The following USP10 variants were observed in gnomAD, a reference collection of about 807,000 sequenced individuals.
USP10 encodes the protein ubiquitin specific peptidase 10.
A neutral mutation model predicts 84.5 loss-of-function variants in USP10; 22 were observed. The observed-to-expected ratio is 0.26, with a 90% CI of 0.19 to 0.37. The LOEUF (loss-of-function observed/expected upper bound fraction) is 0.37, where lower values mean the gene tolerates loss of function less well. Ranked by LOEUF, USP10 falls within the 10% of genes least tolerant of loss-of-function variation. The pLI, the probability that USP10 is intolerant of heterozygous loss-of-function variation, is 1.00. For missense variants in USP10, 1,019 were observed against 998.9 expected (o/e 1.02, Z -0.27); for synonymous variants, 454 against 387.6 (o/e 1.17, Z -2.01).
chr16:84,758,956 TA>T, intron 5 of USP10, 149 bp downstream of exon 5: 1 of 654,564 alleles, frequency 1.5e-6, no homozygotes, highest in African/African-American at 1.8e-5. Flanking sequence ...CTACCTTGCT[TA>T]TAAACAGGAT....
intron 2 of USP10, among the ~76,000 whole-genome samples, chr16:84,734,112 G>C (rs1035134473): frequency 1.3e-5 from 2 of 152,120 alleles, no homozygotes; most frequent in African/African-American, 4.8e-5. Context: ...GTGCCCCTCT[G>C]TGGGCTCCTC....
chr16:84,750,033 C>T (rs1911724900), intron 4 of USP10, among the ~76,000 whole-genome samples: 2 of 152,036 alleles, frequency 1.3e-5, no homozygotes, highest in South Asian at 2.1e-4. Context: ...CCTGTCTTGC[C>T]GAGGGTTGGA....
At chr16:84,745,716 GA>G in intron 4 of USP10, 43 bp downstream of exon 4, 1 of 1,550,646 alleles carries the variant, frequency 6.4e-7, no homozygotes, top group South Asian at 1.2e-5. Context: ...GATGGGAGCA[GA>G]CCTCATCAAC....
At chr16:84,726,043 G>A (rs1479650473) in intron 1 of USP10, among the ~76,000 whole-genome samples, 2 of 152,286 alleles carry the variant, frequency 1.3e-5, no homozygotes, top group East Asian at 3.9e-4. Context: ...CACCTGCCTC[G>A]GAAACTGCAG....
intron 11 of USP10, among the ~76,000 whole-genome samples, chr16:84,772,268 C>T (rs1449159508): frequency 6.6e-6 from 1 of 152,160 alleles, no homozygotes; most frequent in African/African-American, 2.4e-5. Context: ...CCAGGCTGGT[C>T]TCAAACTCTT....
rs567173766 is a variant in USP10 at position 84,760,546 on chromosome 16, T to A, written c.1554+271T>A. On this transcript the variant is annotated intron_variant, in intron 8 of 13. Transcript: ENST00000219473. The stretch of plus-strand genomic sequence containing the variant: ...AAGCCACTGTCTGAGGTCAGGTAGC[T>A]AATGTACATGGCAGAACCCAGCTTT... 8.5e-5 allele frequency among the ~76,000 whole-genome samples: 13 copies of A among 152,344 alleles called. No homozygotes were observed. The South Asian group carries it at 1.9e-3, about 22-fold the overall frequency.
At position 84,742,256 on chromosome 16, in the gene USP10, C is replaced by A. The variant is rs535020131; in HGVS notation, c.151+1887C>A. ...TTGAGATACCACTCCTTCACCCTGCCCTTAGCAATTCAGTGATCCATCAAG... is the reference window on the plus strand; with the variant it reads ...TTGAGATACCACTCCTTCACCCTGCACTTAGCAATTCAGTGATCCATCAAG... On this transcript the variant is annotated intron_variant, in intron 3 of 13. Transcript: ENST00000219473. 3.3e-4 allele frequency among the ~76,000 whole-genome samples: 50 copies of A among 152,244 alleles called. 1 individual carries two copies. Among genetic ancestry groups the A allele is most frequent in the African/African-American group, 1.1e-3 (46 of 41,544 alleles).
Position 84,764,049 on chromosome 16 carries a change from C to T in USP10, c.1655-37C>T, listed in dbSNP as rs55928403. 5,555 of 1,556,770 alleles carry T rather than the reference C, an allele frequency of 3.6e-3. 184 individuals carry two copies. The African/African-American group carries it at 0.067, about 19-fold the overall frequency. On this transcript the variant is annotated intron_variant, in intron 9 of 13. Transcript: ENST00000219473. ...CCTTTTTTTTTTTTGCTGTTCTTGT[C>T]GTAAATAGTAGTGTAAGCAGATGCT...
intron 13 of USP10, among the ~76,000 whole-genome samples, chr16:84,778,178 C>T (rs1228090711): frequency 6.7e-6 from 1 of 149,504 alleles, no homozygotes; most frequent in Non-Finnish European, 1.5e-5. Context: ...TGCGTAACTA[C>T]CAGCACCATC....
chr16:84,774,299 G>A (rs1056198830), intron 12 of USP10, among the ~76,000 whole-genome samples: 1 of 152,034 alleles, frequency 6.6e-6, no homozygotes, highest in African/African-American at 2.4e-5. Flanking sequence ...TGGGTCATGG[G>A]TCAGAAGTAC....
At chr16:84,704,214 C>T (rs1017346628) in intron 1 of USP10, among the ~76,000 whole-genome samples, 19 of 150,882 alleles carry the variant, frequency 1.3e-4, no homozygotes, top group Admixed American at 9.8e-4. Flanking sequence ...TAGGTACTTC[C>T]TGTTAATGGT....
intron 1 of USP10, among the ~76,000 whole-genome samples, chr16:84,726,933 C>A (rs1908567861): frequency 6.6e-6 from 1 of 152,210 alleles, no homozygotes; most frequent in African/African-American, 2.4e-5. Context: ...CCCCAGTGTT[C>A]TGACTCTGGC....
intron 1 of USP10, chr16:84,732,391 A>G: frequency 2.6e-6 from 1 of 383,462 alleles, no homozygotes; most frequent in Non-Finnish European, 5.0e-6. Context: ...TGAATGAATC[A>G]TTGCTTCTCC....
intron 1 of USP10, among the ~76,000 whole-genome samples, chr16:84,717,093 G>A (rs1207205824): frequency 6.6e-6 from 1 of 152,194 alleles, no homozygotes; most frequent in African/African-American, 2.4e-5. Context: ...CAGTACACCT[G>A]GGGTGGGCCC....
intron 8 of USP10, among the ~76,000 whole-genome samples, chr16:84,761,232 G>A (rs1351654124): frequency 1.3e-5 from 2 of 152,148 alleles, no homozygotes; most frequent in East Asian, 3.9e-4. Flanking sequence ...GAACCCAGAG[G>A]GGCCCACCTA....
chr16:84,701,541 A>G (rs1254813894), intron 1 of USP10, among the ~76,000 whole-genome samples: 1 of 152,210 alleles, frequency 6.6e-6, no homozygotes, highest in Non-Finnish European at 1.5e-5. Context: ...GCTTATTAGA[A>G]TTGGTATGAA....
intron 1 of USP10, chr16:84,732,665 C>G (rs541332049): frequency 3.3e-6 from 1 of 302,286 alleles, no homozygotes; most frequent in South Asian, 2.6e-5. Flanking sequence ...CCAGGCTGGT[C>G]TCGAATTCCT....
At chr16:84,740,189 G>A (rs12149794) in intron 2 of USP10, 120 bp from the exon 3 acceptor site, 293,677 of 790,520 alleles carry the variant, frequency 0.37, 59,994 homozygotes, top group East Asian at 0.66. Flanking sequence ...TCTGCTAGAA[G>A]TAACGGCATG....
chr16:84,750,457 CA>C (rs1355869871), intron 4 of USP10, among the ~76,000 whole-genome samples: 1 of 150,572 alleles, frequency 6.6e-6, no homozygotes, highest in African/African-American at 2.4e-5. Context: ...AAAGTAGTTG[CA>C]AAACGCGACA....
Sources: gnomAD v4.1 joint callset for allele counts (sites outside exome capture counted in the v4.1 genomes callset) on GRCh38, gnomAD v4.1.1 for gene constraint, MANE v1.5 for transcripts, NCBI Gene and HGNC (gene_info 2026-07-23, HGNC 2026-07-21) for gene names.